MPHOSPH9: variants seen among roughly 807,000 people sequenced by gnomAD.
MPHOSPH9 encodes the protein M-phase phosphoprotein 9.
A neutral mutation model predicts 145.5 loss-of-function variants in MPHOSPH9; 88 were observed. The ratio of observed to expected loss-of-function variants is 0.60; its 90% CI spans 0.51 to 0.72. MPHOSPH9 has a LOEUF of 0.72. MPHOSPH9 is among the 30% of genes least tolerant of loss of function. The pLI, the probability that MPHOSPH9 is intolerant of heterozygous loss-of-function variation, is 0.00. For synonymous variants in MPHOSPH9, 435 were observed against 486.2 expected (o/e 0.89, Z 1.39); for missense variants, 1,238 against 1,386.6 (o/e 0.89, Z 1.70).
intron 15 of MPHOSPH9, among the ~76,000 whole-genome samples, chr12:123,177,408 G>A (rs1014469602): frequency 1.3e-5 from 2 of 151,744 alleles, no homozygotes; most frequent in African/African-American, 2.4e-5. Context: ...GGTGGCATGC[G>A]CCTGTAATCC....
intron 2 of MPHOSPH9, among the ~76,000 whole-genome samples, chr12:123,229,001 T>C (rs917107987): frequency 2.0e-5 from 3 of 152,216 alleles, no homozygotes; most frequent in Admixed American, 2.0e-4. Context: ...AAAATTTCCT[T>C]TTCTCGTTTT....
intron 2 of MPHOSPH9, among the ~76,000 whole-genome samples, chr12:123,228,952 T>C (rs961742614): frequency 5.9e-5 from 9 of 152,210 alleles, no homozygotes; most frequent in Non-Finnish European, 1.5e-5. Flanking sequence ...TTTCTGCAAG[T>C]GCATACAGAT....
intron 14 of MPHOSPH9, 84 bp from the exon 15 acceptor site, chr12:123,180,074 T>C: frequency 2.7e-6 from 2 of 751,576 alleles, no homozygotes; most frequent in Non-Finnish European, 4.0e-6. Context: ...AAAATGAATC[T>C]AAGGCTAAAC....
Position 123,220,295 on chromosome 12 carries a change from G to A in MPHOSPH9, c.872+1077C>T, listed in dbSNP as rs550267666. Among the ~76,000 whole-genome samples, 77 of 152,084 alleles carry A rather than the reference G, an allele frequency of 5.1e-4. 3 individuals carry two copies. The South Asian group carries it at 0.014, about 28-fold the overall frequency. ...AAAACATAAAATTGGGGCCAGGCAC[G>A]GTGGCTCACACCATAATCCCAGCAC... On this transcript the variant is annotated intron_variant, in intron 5 of 23. Coordinates refer to ENST00000606320, the MANE Select transcript of MPHOSPH9 (RefSeq NM_022782.4).
chr12:123,190,581 G>C (rs1439105563), intron 13 of MPHOSPH9, among the ~76,000 whole-genome samples: 1 of 152,196 alleles, frequency 6.6e-6, no homozygotes, highest in Non-Finnish European at 1.5e-5. Context: ...AGCTGAATGT[G>C]TCAACATGGC....
rs1286075828 is a variant in MPHOSPH9 at position 123,159,239 on chromosome 12, A to G, written c.3450+1542T>C. Among the ~76,000 whole-genome samples the G allele has an allele frequency of 1.3e-5, 2 of 151,824 alleles. No homozygotes were observed. Among genetic ancestry groups the G allele is most frequent in the Middle Eastern group, 3.2e-3 (1 of 316 alleles). ...AGTGCAGTGGCACGATCTCAGCTCA[A>G]TGCAACCTCCACCACCCAGGTTCAA... is the stretch of plus-strand genomic sequence containing the variant. On this transcript the variant is annotated intron_variant, in intron 23 of 23. Transcript: ENST00000606320. This position sits in a 1 kb window ranked among gnomAD's most constrained non-coding sequence, Gnocchi z 4.3.
At chr12:123,196,713 C>T (rs1426634419) in intron 12 of MPHOSPH9, among the ~76,000 whole-genome samples, 1 of 152,070 alleles carries the variant, frequency 6.6e-6, no homozygotes, top group Non-Finnish European at 1.5e-5. Context: ...ATCTTGTAGA[C>T]AAACATTCAT....
Position 123,168,889 on chromosome 12 carries a change from G to GT in MPHOSPH9, c.2457-2101dup, listed in dbSNP as rs1052892589. ...TCAACTCCAGTCACTCTTTCCCTCAGTTTTTTTTTTTTTGAGACAGAGTCT... is the reference window on the plus strand; with the variant it reads ...TCAACTCCAGTCACTCTTTCCCTCAGTTTTTTTTTTTTTTGAGACAGAGTCT... On this transcript the variant is annotated intron_variant, in intron 16 of 23. Transcript: ENST00000606320. Among the ~76,000 whole-genome samples the GT allele has an allele frequency of 8.0e-3, 1,124 of 140,780 alleles. 2 individuals are homozygous for GT. The highest frequency in any genetic ancestry group is 0.012 in the African/African-American group (464 of 38,622). 92.4% of individuals were successfully genotyped at this position (140,780 alleles called of 152,430 possible).
At chr12:123,166,253 C>T (rs1041388954) in intron 17 of MPHOSPH9, 15 of 210,736 alleles carry the variant, frequency 7.1e-5, no homozygotes, top group Non-Finnish European at 1.2e-4. Context: ...ACTACAGGCG[C>T]ATGTCACCAT....
intron 17 of MPHOSPH9, among the ~76,000 whole-genome samples, chr12:123,166,092 GTGGGAGAGGATCT>G (rs1366504683): frequency 1.3e-5 from 2 of 152,158 alleles, no homozygotes; most frequent in Admixed American, 1.3e-4. Context: ...GCCATCTGAA[GTGGGAGAGGATCT>G]ACATCTTTTG....
intron 1 of MPHOSPH9, among the ~76,000 whole-genome samples, chr12:123,238,874 A>G (rs2047889781): frequency 6.6e-6 from 1 of 152,194 alleles, no homozygotes. Flanking sequence ...TGTCCCATAA[A>G]GTAGCCACCA....
rs1357233084 is a variant in MPHOSPH9, at chr12:123,198,228, C to A, written c.2025+19G>T. The A allele has an allele frequency of 3.2e-6, 5 of 1,578,516 alleles. No homozygotes were observed. Among genetic ancestry groups the A allele is most frequent in the Middle Eastern group, 1.7e-4 (1 of 5,978 alleles). Reference sequence around the variant, plus strand: ...TTCATTTGTCTCACCAGAACACCCACCAAAAAAAGAGTACTTACCACTTCA... The same window carrying A: ...TTCATTTGTCTCACCAGAACACCCAACAAAAAAAGAGTACTTACCACTTCA... On this transcript the variant is annotated intron_variant, in intron 12 of 23. Transcript: ENST00000606320.
At chr12:123,176,064 C>T (rs2044848702) in intron 16 of MPHOSPH9, among the ~76,000 whole-genome samples, 1 of 152,020 alleles carries the variant, frequency 6.6e-6, no homozygotes, top group Non-Finnish European at 1.5e-5. Context: ...ACAATTACAA[C>T]TTGGGTCACA....
upstream of MPHOSPH9, among the ~76,000 whole-genome samples, chr12:123,234,246 G>A (rs996270779): frequency 6.6e-6 from 1 of 152,224 alleles, no homozygotes; most frequent in African/African-American, 2.4e-5. Flanking sequence ...CTGGCTCACA[G>A]TAAAGGGACT....
intron 10 of MPHOSPH9, 136 bp from the exon 11 acceptor site, chr12:123,202,455 A>G (rs183645177): frequency 1.7e-5 from 20 of 1,187,168 alleles, no homozygotes; most frequent in Non-Finnish European, 2.2e-5. Flanking sequence ...AAATATATAG[A>G]TTAATACACA....
intron 18 of MPHOSPH9, among the ~76,000 whole-genome samples, chr12:123,164,581 G>C (rs920597605): frequency 6.6e-6 from 1 of 152,200 alleles, no homozygotes; most frequent in African/African-American, 2.4e-5. Flanking sequence ...CAGTAACCAA[G>C]AAAGAAGAGG....
intron 17 of MPHOSPH9, 123 bp from the exon 18 acceptor site, chr12:123,165,600 G>A: frequency 1.1e-6 from 1 of 889,686 alleles, no homozygotes. Flanking sequence ...GTGGAGGTGG[G>A]GTCTTTACGA....
At chr12:123,230,068 C>T (rs970505761) in intron 2 of MPHOSPH9, 193 bp downstream of exon 2, 2 of 395,500 alleles carry the variant, frequency 5.1e-6, no homozygotes, top group Non-Finnish European at 9.1e-6. Context: ...GTGATCCACC[C>T]GCCTCAGCCT....
chr12:123,189,344 C>T (rs2045576834), intron 13 of MPHOSPH9, among the ~76,000 whole-genome samples: 1 of 152,148 alleles, frequency 6.6e-6, no homozygotes. Context: ...TCCTGAACAA[C>T]AGAGTCCACG....
Sources: gnomAD v4.1 joint callset for allele counts (sites outside exome capture counted in the v4.1 genomes callset) on GRCh38, gnomAD v4.1.1 for gene constraint, Gnocchi (gnomAD v3.1) non-coding constraint, MANE v1.5 for transcripts, NCBI Gene and HGNC (gene_info 2026-07-23, HGNC 2026-07-21) for gene names.